Variants in THOC1 observed in about 807,000 individuals in gnomAD.
The protein encoded by THOC1 is THO complex 1.
THOC1 carries 29 observed loss-of-function variants against 97.3 expected under a neutral mutation model. The observed-to-expected ratio is 0.30, with a 90% CI of 0.22 to 0.41. The LOEUF (loss-of-function observed/expected upper bound fraction) is 0.41. Among genes scored for constraint, THOC1 ranks in the 10% least tolerant of loss-of-function variants. THOC1 has a pLI of 1.00. For synonymous variants in THOC1, 255 were observed against 257.0 expected, an observed-to-expected ratio of 0.99 and a Z score of 0.07; for missense variants, 529 against 761.9, an observed-to-expected ratio of 0.69 and a Z score of 3.60.
At position 259,702 on chromosome 18, in the gene THOC1, T is replaced by C. The variant is rs770675786; in HGVS notation, c.404A>G (p.Tyr135Cys). ...CTTACCATTGCACATACGTAGTAAG[T>C]AATTTTTCCCAGCAGAATAGAATGT... ...SNTFYSAGKN[Y>C]LLRMCNDLLR... is the part of the protein sequence containing the mutation. Residue 135 changes from tyrosine (Y) to cysteine (C), a missense_variant, in exon 6 of 21, where the codon TAC (tyrosine) becomes TGC (cysteine). Coordinates refer to ENST00000261600, the MANE Select transcript of THOC1 (RefSeq NM_005131.3). 2.6e-6 allele frequency: 4 copies of C among 1,552,502 alleles called. No individual in the cohort carries two copies. Among genetic ancestry groups the C allele is most frequent in the Non-Finnish European group, 3.5e-6 (4 of 1,147,782 alleles).
At chr18:224,526 C>T (rs147314402) in intron 15 of THOC1, among the ~76,000 whole-genome samples, 2,899 of 151,030 alleles carry the variant, frequency 0.019, 39 homozygotes, top group Admixed American at 0.03. Context: ...CTGCGGTGAG[C>T]CAAGATCATG....
chr18:265,657 C>G, intron 1 of THOC1, 127 bp from the exon 2 acceptor site: 1 of 664,764 alleles, frequency 1.5e-6, no homozygotes. Context: ...AATTACCTAT[C>G]AGTCATTCTC....
intron 4 of THOC1, among the ~76,000 whole-genome samples, chr18:261,409 T>C (rs538961661): frequency 6.6e-6 from 1 of 152,368 alleles, no homozygotes; most frequent in Admixed American, 6.5e-5. Flanking sequence ...AGCTGTACTC[T>C]GCACTAGTAA....
chr18:234,824 C>A (rs1218144023), intron 11 of THOC1, among the ~76,000 whole-genome samples: 7 of 152,136 alleles, frequency 4.6e-5, no homozygotes, highest in African/African-American at 1.4e-4. Context: ...AAATAGAAAA[C>A]ATTCTATTTA....
intron 8 of THOC1, 73 bp from the exon 9 acceptor site, chr18:252,685 T>C (rs1461185475): frequency 7.6e-7 from 1 of 1,310,580 alleles, no homozygotes; most frequent in Non-Finnish European, 1.1e-6. Flanking sequence ...CTAGAATAAG[T>C]GGTCAGTTAC....
chr18:242,114 C>T lies in THOC1; in HGVS notation c.918+4210G>A, dbSNP rs903339478. On this transcript the variant is annotated intron_variant, in intron 11 of 20. Coordinates refer to ENST00000261600, the MANE Select transcript of THOC1 (RefSeq NM_005131.3). This position sits in a 1 kb window ranked among gnomAD's most constrained non-coding sequence, Gnocchi z 4.5. ...GAAGACACAATAATTTACAAAGACA[C>T]CCATTTTATTTGTAGAACCTCTACC... Among the ~76,000 whole-genome samples the T allele has an allele frequency of 2.6e-5, 4 of 152,180 alleles. No homozygotes were observed. Among genetic ancestry groups the T allele is most frequent in the African/African-American group, 9.7e-5 (4 of 41,448 alleles).
In THOC1 at chr18:262,988, C is replaced by T. The variant is rs770716645; in HGVS notation, c.256+1038G>A. Among the ~76,000 whole-genome samples, 11 of 152,244 alleles carry T rather than the reference C, an allele frequency of 7.2e-5. No individual in the cohort carries two copies. The East Asian group carries it at 1.7e-3, about 24-fold the overall frequency. ...CTGTGTACTATGTGCATTGTTTACC[C>T]GAAGTCTTCTAAAGCTATCACACAC... On this transcript the variant is annotated intron_variant, in intron 4 of 20. Coordinates refer to ENST00000261600, the MANE Select transcript of THOC1 (RefSeq NM_005131.3).
Position 260,290 on chromosome 18 carries a change from A to G in THOC1, c.271T>C (p.Ser91Pro). 6.3e-7 allele frequency: 1 copy of G among 1,577,772 alleles called. No individual in the cohort carries two copies. Among genetic ancestry groups the G allele is most frequent in the African/African-American group, 1.4e-5 (1 of 73,712 alleles). ...TCTCCCAACAATACAAAAGGTGTAG[A>G]TGCGGTACAAATACCTTCAAGTGGA... is the stretch of plus-strand genomic sequence containing the variant. Reference protein sequence around the residue: ...GGVTEGICTASTPFVLLGDVL... With the variant: ...GGVTEGICTAPTPFVLLGDVL... The change falls in exon 5 of 21, where the codon TCT becomes CCT. Residue 91 changes from serine to proline, a missense_variant. Physicochemically the swap from Ser to Pro is moderately conservative, Grantham distance 74. Transcript: ENST00000261600.
chr18:223,575 G>A, intron 16 of THOC1, 70 bp from the exon 17 acceptor site: 1 of 1,207,646 alleles, frequency 8.3e-7, no homozygotes, highest in Non-Finnish European at 1.2e-6. Context: ...AAACTGAACA[G>A]AAAAACAATA....
intron 11 of THOC1, among the ~76,000 whole-genome samples, chr18:234,462 A>G (rs2143204240): frequency 6.6e-6 from 1 of 152,236 alleles, no homozygotes; most frequent in South Asian, 2.1e-4. Flanking sequence ...ATTCCTTTCT[A>G]CTTTTTGTAT....
At chr18:232,267 A>T (rs570200880) in intron 11 of THOC1, among the ~76,000 whole-genome samples, 1 of 152,114 alleles carries the variant, frequency 6.6e-6, no homozygotes, top group East Asian at 1.9e-4. Flanking sequence ...AGCTCATTTT[A>T]AAATTTTTTT....
In THOC1 at chr18:254,181, G is replaced by C; in HGVS notation, c.603+92C>G. Reference sequence around the variant, plus strand: ...CCCACCTCAGCCTCCCAAAGTGCTAGGATTACAAGTGTGAGCCACTGTGCC... The same window carrying C: ...CCCACCTCAGCCTCCCAAAGTGCTACGATTACAAGTGTGAGCCACTGTGCC... On this transcript the variant is annotated intron_variant, in intron 8 of 20. Transcript: ENST00000261600. The surrounding 1 kb of genome is among the most constrained non-coding windows in gnomAD (Gnocchi z 4.1). The C allele has an allele frequency of 1.1e-6, 1 of 889,458 alleles. No individual in the cohort carries two copies. Among genetic ancestry groups the C allele is most frequent in the South Asian group, 1.4e-5 (1 of 69,988 alleles). 55.1% of individuals were successfully genotyped at this position (889,458 alleles called of 1,614,324 possible).
At chr18:221,698 T>G (rs1010511447) in intron 17 of THOC1, among the ~76,000 whole-genome samples, 1 of 142,356 alleles carries the variant, frequency 7.0e-6, no homozygotes, top group Non-Finnish European at 1.5e-5. Context: ...AAGCTCCGCC[T>G]CCCAGGTTCA....
chr18:222,910 G>A (rs1005604781), intron 17 of THOC1, among the ~76,000 whole-genome samples: 1 of 151,176 alleles, frequency 6.6e-6, no homozygotes, highest in African/African-American at 2.4e-5. Context: ...CTCAATTATT[G>A]CCTCTTTCCC....
chr18:216,177 C>G (rs1162291787), intron 19 of THOC1: 1 of 245,936 alleles, frequency 4.1e-6, no homozygotes, highest in East Asian at 1.1e-4. Flanking sequence ...TGGTCTCAAT[C>G]TCTTGACCTC....
At chr18:215,064 G>C in intron 20 of THOC1, 143 bp from the exon 21 acceptor site, 1 of 738,592 alleles carries the variant, frequency 1.4e-6, no homozygotes, top group Non-Finnish European at 2.2e-6. Context: ...TTCTCCGTAA[G>C]TTGAATACCA....
rs1365653849 is a variant in THOC1, at chr18:253,054, A to C, written c.604-442T>G. Among the ~76,000 whole-genome samples the C allele has an allele frequency of 2.0e-5, 3 of 152,220 alleles. No individual in the cohort carries two copies. The South Asian group carries it at 6.2e-4, about 32-fold the overall frequency. ...CAAGGAAATGAAATTAAAACTAAGAAGACTTATTTTTCAAATATATACATC... is the reference window on the plus strand; with the variant it reads ...CAAGGAAATGAAATTAAAACTAAGACGACTTATTTTTCAAATATATACATC... On this transcript the variant is annotated intron_variant, in intron 8 of 20. Coordinates refer to ENST00000261600, the MANE Select transcript of THOC1 (RefSeq NM_005131.3).
chr18:226,787 C>G lies in THOC1; in HGVS notation c.1019+14G>C. 3 of 1,580,904 alleles carry G rather than the reference C, an allele frequency of 1.9e-6. No homozygotes were observed. Among genetic ancestry groups the G allele is most frequent in the South Asian group, 1.1e-5 (1 of 87,536 alleles). ...CTACTGTTTACAAATTGTTTACTAC[C>G]CATATTATCTTACCTTTTGAATTTG... On this transcript the variant is annotated intron_variant, in intron 12 of 20. Coordinates refer to ENST00000261600, the MANE Select transcript of THOC1 (RefSeq NM_005131.3).
chr18:225,512 C>A, intron 12 of THOC1, 109 bp from the exon 13 acceptor site: 1 of 809,318 alleles, frequency 1.2e-6, no homozygotes, highest in South Asian at 1.7e-5. Flanking sequence ...TGGATAGTGT[C>A]AAAAATTACC....
Sources: gnomAD v4.1 joint callset for allele counts (sites outside exome capture counted in the v4.1 genomes callset) on GRCh38, gnomAD v4.1.1 for gene constraint, Gnocchi (gnomAD v3.1) non-coding constraint, MANE v1.5 for transcripts, NCBI Gene and HGNC (gene_info 2026-07-23, HGNC 2026-07-21) for gene names.